Variants in ACTR3C observed in about 807,000 individuals in gnomAD.
The protein encoded by ACTR3C is actin-related protein 3C.
In ACTR3C, 18 loss-of-function variants were observed where a neutral mutation model predicts 26.3. The observed-to-expected ratio is 0.68, with a 90% CI of 0.47 to 1.01. ACTR3C has a LOEUF of 1.01. Ranked by LOEUF, ACTR3C falls within the 50% of genes least tolerant of loss-of-function variation. ACTR3C has a pLI of 0.00. For synonymous variants in ACTR3C, 55 were observed against 94.5 expected (o/e 0.58, Z 2.42); for missense variants, 184 against 250.7 (o/e 0.73, Z 1.80).
chr7:150,137,043 C>A, the ACTR3C span, among the ~76,000 whole-genome samples: 1 of 152,200 alleles, frequency 6.6e-6, no homozygotes, highest in African/African-American at 2.4e-5. Context: ...CTATGAGAAT[C>A]GAATGCCACC....
chr7:150,056,655 C>G, the ACTR3C span, among the ~76,000 whole-genome samples: 1 of 151,580 alleles, frequency 6.6e-6, no homozygotes, highest in Non-Finnish European at 1.5e-5. Flanking sequence ...AACAGTGACT[C>G]TCAGCTGCAG....
chr7:150,161,202 T>TTTTATATATATATATATA, the ACTR3C span, among the ~76,000 whole-genome samples: 6 of 103,000 alleles, frequency 5.8e-5, no homozygotes, highest in South Asian at 1.5e-3. Context: ...AGGAAAGTAT[T>TTTTATATATATATATATA]TATATATATA....
the ACTR3C span, among the ~76,000 whole-genome samples, chr7:149,964,890 C>T: frequency 2.6e-4 from 39 of 151,138 alleles, no homozygotes; most frequent in African/African-American, 9.1e-4. Context: ...TGAAAATATT[C>T]TTAACCTAGG....
the ACTR3C span, among the ~76,000 whole-genome samples, chr7:150,194,436 T>C: frequency 6.7e-6 from 1 of 148,802 alleles, no homozygotes; most frequent in East Asian, 1.9e-4. Context: ...TTATTGTTTT[T>C]CTTTTAACCT....
At chr7:150,147,048 A>G in the ACTR3C span, among the ~76,000 whole-genome samples, 4 of 152,136 alleles carry the variant, frequency 2.6e-5, no homozygotes, top group African/African-American at 9.7e-5. Flanking sequence ...AAAACCTACC[A>G]TGCCTCTTGT....
chr7:150,131,756 A>C, the ACTR3C span, among the ~76,000 whole-genome samples: 1 of 152,210 alleles, frequency 6.6e-6, no homozygotes, highest in Non-Finnish European at 1.5e-5. Context: ...AAGCACGTAC[A>C]CAAATATTCA....
chr7:150,234,981 T>A, the ACTR3C span, among the ~76,000 whole-genome samples: 2 of 152,206 alleles, frequency 1.3e-5, no homozygotes, highest in African/African-American at 4.8e-5. Context: ...TGTAGCCAAG[T>A]CTATCAGGTA....
intron 6 of ACTR3C, among the ~76,000 whole-genome samples, chr7:150,259,303 G>T (rs1253507698): frequency 6.7e-6 from 1 of 150,214 alleles, no homozygotes; most frequent in East Asian, 1.9e-4. Context: ...AAGAAAGAAA[G>T]AAAGAAAAAG....
chr7:149,953,864 C>T, the ACTR3C span, among the ~76,000 whole-genome samples: 16 of 138,252 alleles, frequency 1.2e-4, no homozygotes, highest in Non-Finnish European at 2.2e-4. Context: ...TAGTATTTAG[C>T]ATAGGAAACT....
At chr7:150,320,099 T>C (rs1051238239) in intron 1 of ACTR3C, among the ~76,000 whole-genome samples, 4 of 152,272 alleles carry the variant, frequency 2.6e-5, no homozygotes, top group East Asian at 1.9e-4. Flanking sequence ...GAGCCCATAG[T>C]GTGGATCCCA....
chr7:150,151,895 T>C, the ACTR3C span, among the ~76,000 whole-genome samples: 1 of 138,288 alleles, frequency 7.2e-6, no homozygotes. Flanking sequence ...TAAAAAAAAT[T>C]TCCTCACCAG....
At chr7:149,992,168 AG>A in the ACTR3C span, among the ~76,000 whole-genome samples, 2 of 152,284 alleles carry the variant, frequency 1.3e-5, no homozygotes, top group Admixed American at 1.3e-4. Flanking sequence ...GTGTACAGGC[AG>A]ATGCCTGCAC....
chr7:150,033,666 T>G, the ACTR3C span, among the ~76,000 whole-genome samples: 10 of 147,306 alleles, frequency 6.8e-5, no homozygotes, highest in African/African-American at 2.5e-4. Context: ...TCTCAGTCCC[T>G]GCCTCGCGGG....
the ACTR3C span, among the ~76,000 whole-genome samples, chr7:149,908,221 A>G: frequency 4.6e-5 from 7 of 152,172 alleles, no homozygotes; most frequent in Non-Finnish European, 7.3e-5. Context: ...CAGCACCTTG[A>G]TCTTGGACTT....
the ACTR3C span, among the ~76,000 whole-genome samples, chr7:150,032,883 A>T: frequency 5.9e-5 from 9 of 152,274 alleles, no homozygotes; most frequent in East Asian, 3.9e-4. Context: ...TGGCCATGAA[A>T]TGAACCATGA....
the ACTR3C span, among the ~76,000 whole-genome samples, chr7:150,037,876 GAGCA>G: frequency 8.7e-6 from 1 of 114,314 alleles, no homozygotes. Context: ...GGGGTCCTAA[GAGCA>G]AAGGGGGGAA....
intron 2 of ACTR3C, among the ~76,000 whole-genome samples, chr7:150,293,704 G>A (rs1836483381): frequency 6.6e-6 from 1 of 152,256 alleles, no homozygotes; most frequent in African/African-American, 2.4e-5. Context: ...GGGAGGCCAA[G>A]GTAGGCAGAT....
chr7:150,225,004 A>AGTGTGTGTGTGTGTGTGT, the ACTR3C span, among the ~76,000 whole-genome samples: 14 of 136,188 alleles, frequency 1.0e-4, no homozygotes, highest in African/African-American at 3.0e-4. Flanking sequence ...CACCCCCATT[A>AGTGTGTGTGTGTGTGTGT]GTGTGTGTGT....
At chr7:150,248,890 A>T (rs1832640554) in intron 7 of ACTR3C, 58 bp downstream of exon 7, 2 of 463,486 alleles carry the variant, frequency 4.3e-6, no homozygotes, top group Non-Finnish European at 7.7e-6. Flanking sequence ...AAATGAAAAA[A>T]ATAGAAAATT....
Sources: gnomAD v4.1 joint callset for allele counts (sites outside exome capture counted in the v4.1 genomes callset) on GRCh38, gnomAD v4.1.1 for gene constraint, MANE v1.5 for transcripts, NCBI Gene and HGNC (gene_info 2026-07-23, HGNC 2026-07-21) for gene names.